Variants in CAPS2 observed in about 807,000 individuals in gnomAD.
CAPS2 encodes the protein calcyphosin-2.
Under a neutral mutation model 86.5 loss-of-function variants are expected in CAPS2, and 98 were observed. The ratio of observed to expected loss-of-function variants is 1.13; its 90% CI spans 0.96 to 1.34. The LOEUF (loss-of-function observed/expected upper bound fraction) is 1.34, where lower values mean the gene tolerates loss of function less well. Ranked by LOEUF, CAPS2 falls within the 40% of genes most tolerant of loss-of-function variation. The probability of loss-of-function intolerance (pLI) is 0.00; values close to 1 mark genes in which losing one functional copy is unlikely to be tolerated. For synonymous variants in CAPS2, 210 were observed against 225.1 expected, an observed-to-expected ratio of 0.93 and a Z score of 0.60; for missense variants, 729 against 686.8, an observed-to-expected ratio of 1.06 and a Z score of -0.69.
At chr12:75,277,381 A>G (rs919399899) in exon 17 of CAPS2, 20 of 976,756 alleles carry the variant, frequency 2.0e-5, no homozygotes, top group Non-Finnish European at 2.3e-5. Flanking sequence ...TTTAACAAGA[A>G]CAATTTGTAG....
chr12:75,348,386 G>A (rs2042589570), intron 1 of CAPS2, among the ~76,000 whole-genome samples: 2 of 152,112 alleles, frequency 1.3e-5, no homozygotes, highest in South Asian at 4.1e-4. Context: ...CTAGAGAGAG[G>A]CAGAAATGTG....
chr12:75,362,691 C>A (rs2043685539), intron 1 of CAPS2, among the ~76,000 whole-genome samples: 1 of 152,110 alleles, frequency 6.6e-6, no homozygotes, highest in Admixed American at 6.6e-5. Context: ...AGTCGTACAT[C>A]ATCAAATAGA....
intron 11 of CAPS2, 91 bp from the exon 12 acceptor site, chr12:75,293,458 G>T: frequency 1.2e-6 from 1 of 813,486 alleles, no homozygotes; most frequent in South Asian, 1.5e-5. Flanking sequence ...TTTGATTAAT[G>T]TGACACGATA....
intron 1 of CAPS2, among the ~76,000 whole-genome samples, chr12:75,342,001 C>A (rs978760169): frequency 3.3e-5 from 5 of 152,102 alleles, no homozygotes; most frequent in Admixed American, 3.3e-4. Context: ...CCTTGGCCTC[C>A]CAAAGTGCTG....
At chr12:75,358,145 TAAC>T (rs1565992056) in intron 1 of CAPS2, among the ~76,000 whole-genome samples, 1 of 151,646 alleles carries the variant, frequency 6.6e-6, no homozygotes, top group Non-Finnish European at 1.5e-5. Flanking sequence ...ACATAGGTGA[TAAC>T]ACTACAGATT....
At chr12:75,295,222 C>T (rs2138417562) in intron 11 of CAPS2, 1 of 152,272 alleles carries the variant, frequency 6.6e-6, no homozygotes, top group East Asian at 1.9e-4. Context: ...AAGATTTAAA[C>T]ATATTTGACT....
exon 10 of CAPS2, chr12:75,298,936 A>C: frequency 6.2e-7 from 1 of 1,607,714 alleles, no homozygotes; most frequent in Non-Finnish European, 8.5e-7. Context: ...AAAAGAACCC[A>C]ATGAGCTCTC....
chr12:75,337,565 T>C (rs1270407495), intron 1 of CAPS2, among the ~76,000 whole-genome samples: 5 of 151,958 alleles, frequency 3.3e-5, no homozygotes, highest in Non-Finnish European at 7.4e-5. Flanking sequence ...ATGTTGTTTA[T>C]TGAATGATTA....
intron 7 of CAPS2, among the ~76,000 whole-genome samples, chr12:75,306,904 T>C (rs1442748838): frequency 2.0e-5 from 3 of 151,878 alleles, no homozygotes; most frequent in Non-Finnish European, 4.4e-5. Context: ...AATGTTAAAG[T>C]AAACATTAAA....
At chr12:75,359,357 C>CTTATTTTTTT (rs2043398907) in intron 1 of CAPS2, among the ~76,000 whole-genome samples, 1 of 28,600 alleles carries the variant, frequency 3.5e-5, no homozygotes, top group Non-Finnish European at 6.6e-5. Flanking sequence ...GCATTGTTGT[C>CTTATTTTTTT]TTTTTTTTTT....
exon 17 of CAPS2, chr12:75,278,364 A>C (rs947441314): frequency 2.0e-6 from 2 of 984,294 alleles, no homozygotes; most frequent in African/African-American, 3.5e-5. Context: ...CTGCTTGAAA[A>C]ATTTCTCTTG....
chr12:75,277,265 GA>G, exon 17 of CAPS2: 2 of 960,756 alleles, frequency 2.1e-6, no homozygotes, highest in East Asian at 1.2e-4. Flanking sequence ...TATAGTAACA[GA>G]AAAATGTGAC....
chr12:75,340,027 T>C (rs182754716), intron 1 of CAPS2, among the ~76,000 whole-genome samples: 211 of 152,166 alleles, frequency 1.4e-3, no homozygotes, highest in Non-Finnish European at 1.6e-3. Context: ...CTGAGTTACT[T>C]CAATTAGAAT....
intron 1 of CAPS2, among the ~76,000 whole-genome samples, chr12:75,343,258 CTGTT>C (rs950304638): frequency 1.6e-4 from 25 of 152,004 alleles, no homozygotes; most frequent in African/African-American, 5.5e-4. Flanking sequence ...AGATTTTTGT[CTGTT>C]TGTTTGTAGA....
At chr12:75,384,119 G>C (rs2045152885) in intron 1 of CAPS2, among the ~76,000 whole-genome samples, 1 of 151,956 alleles carries the variant, frequency 6.6e-6, no homozygotes, top group Non-Finnish European at 1.5e-5. Context: ...AGAAAAAAAA[G>C]AGCAAATTAA....
At chr12:75,315,060 TG>T (rs2039617646) in intron 6 of CAPS2, among the ~76,000 whole-genome samples, 1 of 152,224 alleles carries the variant, frequency 6.6e-6, no homozygotes, top group Admixed American at 6.5e-5. Context: ...TAATTTCAGA[TG>T]CCCTGAAAGC....
At chr12:75,298,451 T>G in intron 11 of CAPS2, 1 of 471,608 alleles carries the variant, frequency 2.1e-6, no homozygotes, top group Non-Finnish European at 3.8e-6. Flanking sequence ...TGTTGTGGAA[T>G]GGGAAGGGGG....
At chr12:75,288,330 C>T (rs1274440282) in intron 14 of CAPS2, among the ~76,000 whole-genome samples, 2 of 150,998 alleles carry the variant, frequency 1.3e-5, no homozygotes, top group African/African-American at 2.5e-5. Flanking sequence ...AATTGTACAG[C>T]TGATATGGCA....
chr12:75,306,959 CA>C (rs2038576039), intron 7 of CAPS2, among the ~76,000 whole-genome samples: 1 of 151,966 alleles, frequency 6.6e-6, no homozygotes, highest in Admixed American at 6.5e-5. Flanking sequence ...TACAAGTTAG[CA>C]CTCAGAGGAG....
Sources: allele counts gnomAD v4.1 joint callset (sites outside exome capture counted in the v4.1 genomes callset), GRCh38; gene constraint gnomAD v4.1.1; transcripts MANE v1.5; gene names NCBI Gene and HGNC (gene_info 2026-07-23, HGNC 2026-07-21).